The following NMBR variants were observed in gnomAD, a reference collection of about 807,000 sequenced individuals.
NMBR encodes the protein neuromedin-B receptor.
NMBR carries 16 observed loss-of-function variants against 20.5 expected under a neutral mutation model. The observed-to-expected ratio is 0.78, with a 90% CI of 0.53 to 1.19. The LOEUF (loss-of-function observed/expected upper bound fraction) is 1.19, where lower values mean the gene tolerates loss of function less well. NMBR is among the 50% of genes most tolerant of loss of function. The pLI is 0.00. For synonymous variants in NMBR, 212 were observed against 196.6 expected, an observed-to-expected ratio of 1.08 and a Z score of -0.65; for missense variants, 582 against 499.1, an observed-to-expected ratio of 1.17 and a Z score of -1.58.
chr6:142,082,350 A>C (rs1777116623), intron 2 of NMBR, among the ~76,000 whole-genome samples: 1 of 152,204 alleles, frequency 6.6e-6, no homozygotes, highest in South Asian at 2.1e-4. Context: ...CTGAGCAACA[A>C]GGAGATCCTT....
intron 2 of NMBR, among the ~76,000 whole-genome samples, chr6:142,079,116 A>AAG (rs58273905): frequency 2.5e-4 from 13 of 51,540 alleles, no homozygotes; most frequent in African/African-American, 2.0e-3. Flanking sequence ...GAAAGAAAGA[A>AAG]AGAAAGAAAG....
Position 142,078,711 on chromosome 6 carries a change from A to C in NMBR, c.615T>G (p.Asp205Glu). 1.2e-6 allele frequency: 2 copies of C among 1,614,138 alleles called. No individual in the cohort carries two copies. The highest frequency in any genetic ancestry group is 1.7e-6 in the Non-Finnish European group (2 of 1,180,016). The change falls in exon 3 of 4, where the codon GAT becomes GAG. Residue 205 changes from aspartate (D) to glutamate (E), a missense_variant. By Grantham distance (45) the Asp-to-Glu change is conservative. Coordinates refer to ENST00000258042, the MANE Select transcript of NMBR (RefSeq NM_002511.4). Reference protein sequence around the residue: ...FTACIPYPQTDELHPKIHSVL... With the variant: ...FTACIPYPQTEELHPKIHSVL... ...CTGAATGAATCTTTGGATGTAATTC[A>C]TCTGTTTGAGGGTATGGGATACATG... is the stretch of plus-strand genomic sequence containing the variant.
chr6:142,081,408 G>A (rs528326922), intron 2 of NMBR, among the ~76,000 whole-genome samples: 3 of 152,090 alleles, frequency 2.0e-5, no homozygotes, highest in South Asian at 2.1e-4. Flanking sequence ...CAGAAATCTC[G>A]GTTTAGAGAA....
At chr6:142,104,364 A>G (rs990552772) in intron 1 of NMBR, among the ~76,000 whole-genome samples, 2 of 152,212 alleles carry the variant, frequency 1.3e-5, no homozygotes, top group African/African-American at 2.4e-5. Context: ...AAGGTTGAAA[A>G]TCATTTTTTA....
intron 1 of NMBR, among the ~76,000 whole-genome samples, chr6:142,121,925 T>C (rs1349257679): frequency 2.0e-5 from 3 of 151,910 alleles, no homozygotes; most frequent in Non-Finnish European, 4.4e-5. Context: ...CCATTGTTGA[T>C]ATGATCCCAG....
At chr6:142,091,308 A>G (rs1777318867) in intron 1 of NMBR, among the ~76,000 whole-genome samples, 1 of 152,116 alleles carries the variant, frequency 6.6e-6, no homozygotes, top group South Asian at 2.1e-4. Flanking sequence ...CTATAGCCTC[A>G]ACCTCCTTCA....
Position 142,088,616 on chromosome 6 carries a change from C to T in NMBR, c.43G>A (p.Ala15Thr). 3 of 1,608,354 alleles carry T rather than the reference C, an allele frequency of 1.9e-6. No homozygotes were observed. Among genetic ancestry groups the T allele is most frequent in the Non-Finnish European group, 1.7e-6 (2 of 1,179,872 alleles). ...TCGGGAACGGAACCGCTCTCATTCGCGCCGGTGGTCACCGAGAGGTTGGAA... is the reference window on the plus strand; with the variant it reads ...TCGGGAACGGAACCGCTCTCATTCGTGCCGGTGGTCACCGAGAGGTTGGAA... Reference protein sequence around the residue: ...SLSNLSVTTGANESGSVPEGW... With the variant: ...SLSNLSVTTGTNESGSVPEGW... Residue 15 changes from alanine (A) to threonine (T), a missense_variant, in exon 2 of 4, where the codon GCG (alanine) becomes ACG (threonine). Transcript: ENST00000258042.
chr6:142,075,989 A>G lies in NMBR; in HGVS notation c.832T>C (p.Cys278Arg). The G allele has an allele frequency of 6.2e-7, 1 of 1,612,068 alleles. No individual in the cohort carries two copies. The highest frequency in any genetic ancestry group is 8.5e-7 in the Non-Finnish European group (1 of 1,179,344). The change falls in exon 4 of 4, where the codon TGT becomes CGT. Residue 278 changes from cysteine (C) to arginine (R), a missense_variant. Physicochemically the swap from Cys to Arg is radical, Grantham distance 180. Coordinates refer to ENST00000258042, the MANE Select transcript of NMBR (RefSeq NM_002511.4). ...TAAAGGATGTGGTTTGGAAACCAAC[A>G]GAAGATGAAACAGCCCACAAAGACA... ...VLVFVGCFIF[C>R]WFPNHILYMY...
chr6:142,079,108 A>G (rs957504019), intron 2 of NMBR, among the ~76,000 whole-genome samples: 3 of 112,182 alleles, frequency 2.7e-5, no homozygotes, highest in Admixed American at 9.7e-5. Context: ...GAGAGAGAGA[A>G]AGAAAGAAAG....
chr6:142,130,128 C>T (rs184437048), intron 1 of NMBR, among the ~76,000 whole-genome samples: 1 of 152,220 alleles, frequency 6.6e-6, no homozygotes, highest in Non-Finnish European at 1.5e-5. Context: ...CATCCAGGTG[C>T]TATGTACCCC....
chr6:142,135,314 C>A (rs1249413657), intron 1 of NMBR, among the ~76,000 whole-genome samples: 1 of 151,966 alleles, frequency 6.6e-6, no homozygotes, highest in East Asian at 1.9e-4. Flanking sequence ...ATTTCCCTTT[C>A]TGTGGAACTA....
intron 1 of NMBR, among the ~76,000 whole-genome samples, chr6:142,130,870 A>G (rs1420179662): frequency 1.3e-5 from 2 of 152,178 alleles, no homozygotes; most frequent in Non-Finnish European, 2.9e-5. Flanking sequence ...AGAAGAGTAT[A>G]GTATACTGCA....
At chr6:142,108,905 CAA>C (rs1777709284) in intron 1 of NMBR, among the ~76,000 whole-genome samples, 1 of 152,158 alleles carries the variant, frequency 6.6e-6, no homozygotes, top group East Asian at 1.9e-4. Flanking sequence ...CCTGTAAAAT[CAA>C]AAGCAAGTTA....
intron 1 of NMBR, among the ~76,000 whole-genome samples, chr6:142,097,634 A>G (rs541330069): frequency 1.3e-5 from 2 of 152,254 alleles, no homozygotes; most frequent in Admixed American, 1.3e-4. Flanking sequence ...TGTAGAACGC[A>G]ACAAGGTAAA....
chr6:142,130,477 T>C (rs958853854), intron 1 of NMBR, among the ~76,000 whole-genome samples: 14 of 152,142 alleles, frequency 9.2e-5, no homozygotes, highest in African/African-American at 2.9e-4. Context: ...GATTTCTAGA[T>C]ATCTTAAGAG....
chr6:142,079,855 A>C (rs994784830), intron 2 of NMBR, among the ~76,000 whole-genome samples: 3 of 152,228 alleles, frequency 2.0e-5, no homozygotes, highest in Admixed American at 2.0e-4. Flanking sequence ...CTAGCAGTGT[A>C]CTAGTGATAA....
At chr6:142,128,992 A>C (rs746852428) in intron 1 of NMBR, among the ~76,000 whole-genome samples, 3 of 92,258 alleles carry the variant, frequency 3.3e-5, no homozygotes, top group Non-Finnish European at 6.2e-5. Context: ...CCAGATGTCA[A>C]TGTAATAATA....
Position 142,089,127 on chromosome 6 carries a change from G to T in NMBR, c.-469C>A, listed in dbSNP as rs980566076. 5.9e-6 allele frequency: 1 copy of T among 168,322 alleles called. No homozygotes were observed. Among genetic ancestry groups the T allele is most frequent in the Non-Finnish European group, 1.3e-5 (1 of 76,186 alleles). 10.4% of individuals were successfully genotyped at this position (168,322 alleles called of 1,614,324 possible). A position where few individuals can be genotyped will look rare whatever the true frequency, so the allele number is the denominator to read the frequency against. ...AACTAGGCGGGGCCACCTGCAACCT[G>T]CTTTTCCCACAGCTTTGCTCTTGTT... On this transcript the variant is annotated 5_prime_UTR_variant, in exon 2 of 4. Transcript: ENST00000258042.
chr6:142,126,131 T>G (rs1778032563), intron 1 of NMBR, among the ~76,000 whole-genome samples: 1 of 151,918 alleles, frequency 6.6e-6, no homozygotes, highest in Non-Finnish European at 1.5e-5. Flanking sequence ...CCATATACAG[T>G]GAAATCATAT....
Sources: gnomAD v4.1 joint callset for allele counts (sites outside exome capture counted in the v4.1 genomes callset) on GRCh38, gnomAD v4.1.1 for gene constraint, MANE v1.5 for transcripts, NCBI Gene and HGNC (gene_info 2026-07-23, HGNC 2026-07-21) for gene names.